Variants in PPP4R2 observed in about 807,000 individuals in gnomAD.
PPP4R2 encodes the protein protein phosphatase 4 regulatory subunit 2.
In PPP4R2, 13 loss-of-function variants were observed where a neutral mutation model predicts 47.2. That is an observed-to-expected ratio of 0.28 (90% CI 0.18 to 0.44). PPP4R2 has a LOEUF of 0.44. PPP4R2 is among the 20% of genes least tolerant of loss of function. PPP4R2 has a pLI of 1.00. For missense variants in PPP4R2, 421 were observed against 491.2 expected (o/e 0.86, Z 1.35); for synonymous variants, 151 against 163.3 (o/e 0.92, Z 0.57).
At chr3:73,050,033 C>A (rs975645420) in intron 3 of PPP4R2, among the ~76,000 whole-genome samples, 1 of 152,104 alleles carries the variant, frequency 6.6e-6, no homozygotes, top group Non-Finnish European at 1.5e-5. Context: ...TTCCGCCTCC[C>A]AAGTTCAAGC....
At chr3:73,024,376 C>G (rs1451319754) in intron 2 of PPP4R2, among the ~76,000 whole-genome samples, 1 of 152,086 alleles carries the variant, frequency 6.6e-6, no homozygotes, top group Admixed American at 6.5e-5. Flanking sequence ...GGAGGATTGT[C>G]AATGTGTATA....
intron 2 of PPP4R2, among the ~76,000 whole-genome samples, chr3:73,037,148 A>G (rs775771751): frequency 2.0e-4 from 31 of 152,194 alleles, no homozygotes; most frequent in Admixed American, 2.6e-4. Context: ...CTTAATACAC[A>G]GACGACTACA....
intron 2 of PPP4R2, among the ~76,000 whole-genome samples, chr3:73,013,998 C>T (rs1341391565): frequency 1.3e-5 from 1 of 77,716 alleles, no homozygotes; most frequent in African/African-American, 3.9e-5. Context: ...TCATGGGCTG[C>T]ATAATATTTT....
intron 2 of PPP4R2, among the ~76,000 whole-genome samples, chr3:73,032,717 T>C (rs973186211): frequency 1.3e-5 from 2 of 152,228 alleles, no homozygotes; most frequent in Non-Finnish European, 2.9e-5. Flanking sequence ...TTTTACGTAC[T>C]CCTTCTCCAA....
rs142985158 is a variant in PPP4R2, at chr3:73,015,364, A to T, written c.116+17206A>T. 5.9e-3 allele frequency among the ~76,000 whole-genome samples: 897 copies of T among 151,810 alleles called. 1 individual carries two copies. The highest frequency in any genetic ancestry group is 9.3e-3 in the Admixed American group (141 of 15,234). The stretch of plus-strand genomic sequence containing the variant: ...GCTGATTTTTACATTTTTAGTAGAG[A>T]CAGGGTTTTGCCATGTTGGCCATGC... On this transcript the variant is annotated intron_variant, in intron 2 of 8. Transcript: ENST00000356692.
At chr3:73,061,790 T>TA (rs1702863775) in intron 5 of PPP4R2, 1 of 326,094 alleles carries the variant, frequency 3.1e-6, no homozygotes, top group Non-Finnish European at 5.7e-6. Flanking sequence ...ACTGCAGCCT[T>TA]AAACTCTAGT....
At chr3:73,043,709 T>TG (rs1334447846) in intron 2 of PPP4R2, among the ~76,000 whole-genome samples, 1 of 152,234 alleles carries the variant, frequency 6.6e-6, no homozygotes, top group African/African-American at 2.4e-5. Flanking sequence ...TTTCATATGC[T>TG]TATTGGCCAT....
At chr3:73,063,643 C>A (rs771964847) in intron 5 of PPP4R2, 30 bp from the exon 6 acceptor site, 9 of 1,356,092 alleles carry the variant, frequency 6.6e-6, no homozygotes, top group South Asian at 3.5e-5. Context: ...AAAATTAAGT[C>A]ATCCACAAGT....
intron 2 of PPP4R2, among the ~76,000 whole-genome samples, chr3:73,013,148 CT>C (rs1701757813): frequency 6.6e-6 from 1 of 152,088 alleles, no homozygotes; most frequent in East Asian, 1.9e-4. Flanking sequence ...TGCTATGTTG[CT>C]TTTGGTAGGA....
intron 2 of PPP4R2, among the ~76,000 whole-genome samples, chr3:73,001,281 G>A (rs1005807444): frequency 6.6e-6 from 1 of 151,960 alleles, no homozygotes; most frequent in Admixed American, 6.6e-5. Context: ...TTACTGGCCA[G>A]GTGCAGTGAT....
At chr3:73,011,456 G>A (rs1486811336) in intron 2 of PPP4R2, among the ~76,000 whole-genome samples, 2 of 152,054 alleles carry the variant, frequency 1.3e-5, no homozygotes, top group Non-Finnish European at 1.5e-5. Flanking sequence ...ACTCCAGCTT[G>A]GGCGAAAGGG....
chr3:73,006,231 G>A (rs1433042422), intron 2 of PPP4R2, among the ~76,000 whole-genome samples: 1 of 128,162 alleles, frequency 7.8e-6, no homozygotes. Context: ...ATGGAGTGTC[G>A]CCCTGTTGCC....
chr3:73,035,861 C>G, intron 2 of PPP4R2, among the ~76,000 whole-genome samples: 1 of 152,096 alleles, frequency 6.6e-6, no homozygotes, highest in Non-Finnish European at 1.5e-5. Context: ...CCTGATCCGC[C>G]CACCTCTGCC....
rs201932047 is a variant in PPP4R2 at position 73,037,120 on chromosome 3, A to AT, written c.117-10058dup. Among the ~76,000 whole-genome samples the AT allele has an allele frequency of 5.9e-5, 9 of 151,756 alleles. No homozygotes were observed. The South Asian group carries it at 6.3e-4, about 11-fold the overall frequency. On this transcript the variant is annotated intron_variant, in intron 2 of 8. Coordinates refer to ENST00000356692, the MANE Select transcript of PPP4R2 (RefSeq NM_174907.4). Reference sequence around the variant, plus strand: ...GGTCTTTGGGTTGGATAGAAGGGGGATTTTTTTTCCCCCTCCACTTAATAC... The same window carrying AT: ...GGTCTTTGGGTTGGATAGAAGGGGGATTTTTTTTTCCCCCTCCACTTAATAC...
At chr3:73,056,449 GT>G (rs1702733637) in intron 3 of PPP4R2, among the ~76,000 whole-genome samples, 1 of 152,202 alleles carries the variant, frequency 6.6e-6, no homozygotes, top group African/African-American at 2.4e-5. Context: ...TTTCAATGCT[GT>G]TACGTTCATT....
chr3:73,055,711 G>T (rs779716609), intron 3 of PPP4R2, among the ~76,000 whole-genome samples: 8 of 151,136 alleles, frequency 5.3e-5, no homozygotes, highest in Middle Eastern at 6.8e-3. Context: ...ACCCAGGCTG[G>T]AGTGCAGTGG....
chr3:73,006,503 C>G (rs1701612630), intron 2 of PPP4R2, among the ~76,000 whole-genome samples: 2 of 152,154 alleles, frequency 1.3e-5, no homozygotes, highest in Non-Finnish European at 2.9e-5. Flanking sequence ...AGTAGCTTTT[C>G]TAACTACATG....
rs182369994 is a variant in PPP4R2 at position 73,062,887 on chromosome 3, G to A, written c.420-786G>A. On this transcript the variant is annotated intron_variant, in intron 5 of 8. Transcript: ENST00000356692. ...TTTGAATCCCCTCTACACAAGCTAC[G>A]CAAGTCAAGTTAGTTGCCAAGAAAG... The A allele has an allele frequency of 9.9e-5, 159 of 1,611,192 alleles. No individual in the cohort carries two copies. The highest frequency in any genetic ancestry group is 1.2e-4 in the Non-Finnish European group (147 of 1,179,076).
chr3:72,997,566 T>C (rs1336848662), intron 1 of PPP4R2, among the ~76,000 whole-genome samples: 1 of 152,224 alleles, frequency 6.6e-6, no homozygotes, highest in Non-Finnish European at 1.5e-5. Flanking sequence ...TTGCCTTCAC[T>C]GTTCTTGATT....
Sources: allele counts gnomAD v4.1 joint callset (sites outside exome capture counted in the v4.1 genomes callset), GRCh38; gene constraint gnomAD v4.1.1; transcripts MANE v1.5; gene names NCBI Gene and HGNC (gene_info 2026-07-23, HGNC 2026-07-21).